The following DPY19L2 variants were observed in gnomAD, a reference collection of about 807,000 sequenced individuals.
DPY19L2 encodes probable C-mannosyltransferase DPY19L2.
A neutral mutation model predicts 97.9 loss-of-function variants in DPY19L2; 34 were observed. That is an observed-to-expected ratio of 0.35 (90% CI 0.26 to 0.46). The LOEUF is 0.46. Ranked by LOEUF, DPY19L2 falls within the 20% of genes least tolerant of loss-of-function variation. The pLI is 1.00. For missense variants in DPY19L2, 623 were observed against 911.4 expected, an observed-to-expected ratio of 0.68 and a Z score of 4.07; for synonymous variants, 230 against 307.9, an observed-to-expected ratio of 0.75 and a Z score of 2.65.
At chr12:63,637,675 G>C (rs150799419) in intron 6 of DPY19L2, among the ~76,000 whole-genome samples, 1 of 152,018 alleles carries the variant, frequency 6.6e-6, no homozygotes, top group Non-Finnish European at 1.5e-5. Context: ...TTGAATCCCT[G>C]AATAGACCAA....
chr12:63,572,632 G>A (rs1057115377), intron 19 of DPY19L2, among the ~76,000 whole-genome samples: 1 of 152,124 alleles, frequency 6.6e-6, no homozygotes, highest in Non-Finnish European at 1.5e-5. Context: ...ACCCAGTGCT[G>A]TGCTAGCTTC....
chr12:63,570,744 C>T lies in DPY19L2; in HGVS notation c.2000+14G>A, dbSNP rs752064002. 9 of 1,605,462 alleles carry T rather than the reference C, an allele frequency of 5.6e-6. No individual in the cohort carries two copies. In the African/African-American group the frequency reaches 9.4e-5, roughly 17 times the overall value. ...GCCAAGTGAGTCTTGAAGAAATACT[C>T]ATCAGCTGCCAACCTCAAGTCTGCA... On this transcript the variant is annotated intron_variant, in intron 20 of 21. Transcript: ENST00000324472.
intron 6 of DPY19L2, among the ~76,000 whole-genome samples, chr12:63,627,090 T>G (rs2137872999): frequency 6.6e-6 from 1 of 152,280 alleles, no homozygotes; most frequent in African/African-American, 2.4e-5. Flanking sequence ...TAAAATCATT[T>G]TTAAGAAACA....
At chr12:63,626,786 AT>A (rs898552245) in intron 6 of DPY19L2, among the ~76,000 whole-genome samples, 10 of 150,300 alleles carry the variant, frequency 6.7e-5, no homozygotes, top group Middle Eastern at 3.4e-3. Context: ...TGTGAACATA[AT>A]TTTTTTTTTG....
chr12:63,628,149 G>A (rs28369331), intron 6 of DPY19L2, among the ~76,000 whole-genome samples: 44,688 of 151,886 alleles, frequency 0.29, 7,662 homozygotes, highest in African/African-American at 0.47. Context: ...GCGACACAGA[G>A]GACGGGTGAT....
chr12:63,602,408 A>G (rs1041272479), intron 12 of DPY19L2, among the ~76,000 whole-genome samples: 5 of 152,180 alleles, frequency 3.3e-5, no homozygotes, highest in African/African-American at 1.2e-4. Flanking sequence ...AGAAAGTGGT[A>G]GAAATGGAAG....
intron 21 of DPY19L2, among the ~76,000 whole-genome samples, chr12:63,563,432 T>C (rs1394823095): frequency 2.6e-5 from 4 of 152,208 alleles, no homozygotes; most frequent in African/African-American, 9.6e-5. Context: ...CTTCTACTCC[T>C]AGTTTGCTGA....
At chr12:63,668,668 G>A (rs930174308), upstream of DPY19L2, 3 of 458,702 alleles carry the variant, frequency 6.5e-6, no homozygotes, top group African/African-American at 5.9e-5. Context: ...CTTCCGGTGA[G>A]GGCAGCCCCA....
intron 1 of DPY19L2, among the ~76,000 whole-genome samples, chr12:63,666,148 CCT>C (rs1565867583): frequency 1.3e-5 from 2 of 151,842 alleles, no homozygotes; most frequent in African/African-American, 4.8e-5. Context: ...ATGATTGTGA[CCT>C]TTTTTGATTT....
intron 16 of DPY19L2, among the ~76,000 whole-genome samples, chr12:63,588,439 C>T (rs2089974): frequency 1.3e-5 from 2 of 152,008 alleles, no homozygotes; most frequent in African/African-American, 2.4e-5. Flanking sequence ...TGAATAAGTT[C>T]GAGAGATCGA....
intron 19 of DPY19L2, among the ~76,000 whole-genome samples, chr12:63,573,622 A>C (rs1329637883): frequency 6.6e-6 from 1 of 152,084 alleles, no homozygotes; most frequent in East Asian, 1.9e-4. Flanking sequence ...CCCAAAGACT[A>C]ACTCAAGTCA....
chr12:63,657,231 A>T (rs527517534), intron 4 of DPY19L2, among the ~76,000 whole-genome samples: 88 of 152,234 alleles, frequency 5.8e-4, no homozygotes, highest in African/African-American at 2.1e-3. Context: ...TGAAGTTTGT[A>T]ATTGCTATAG....
chr12:63,668,528 A>G, upstream of DPY19L2: 4 of 928,160 alleles, frequency 4.3e-6, no homozygotes, highest in Non-Finnish European at 6.3e-6. Context: ...CCCGGTCGTC[A>G]TGGCGACTGT....
intron 16 of DPY19L2, among the ~76,000 whole-genome samples, chr12:63,587,458 A>T (rs1440527010): frequency 6.6e-6 from 1 of 151,638 alleles, no homozygotes; most frequent in Non-Finnish European, 1.5e-5. Flanking sequence ...AAAAATCCTC[A>T]CAGAGCATTT....
At chr12:63,583,758 C>T (rs2137384889) in intron 17 of DPY19L2, 54 bp downstream of exon 17, 1 of 1,586,142 alleles carries the variant, frequency 6.3e-7, no homozygotes, top group African/African-American at 1.3e-5. Context: ...GTCAATTATC[C>T]TCAAACTACA....
At chr12:63,574,273 ATAT>A (rs1013915491) in intron 19 of DPY19L2, among the ~76,000 whole-genome samples, 5 of 152,018 alleles carry the variant, frequency 3.3e-5, no homozygotes, top group Admixed American at 6.6e-5. Context: ...AAATAATAAG[ATAT>A]TATTTGCAAG....
intron 14 of DPY19L2, among the ~76,000 whole-genome samples, chr12:63,596,838 GT>G (rs1413090772): frequency 1.3e-5 from 2 of 152,082 alleles, no homozygotes; most frequent in African/African-American, 4.8e-5. Context: ...TAGAATCCAC[GT>G]CCTGATCTTG....
chr12:63,560,683 A>G (rs1876311403), intron 21 of DPY19L2, 21 bp from the exon 22 acceptor site: 1 of 1,612,774 alleles, frequency 6.2e-7, no homozygotes. Flanking sequence ...ACAGACATAT[A>G]TATCCATATT....
intron 17 of DPY19L2, among the ~76,000 whole-genome samples, chr12:63,582,814 T>G (rs1356556237): frequency 6.6e-6 from 1 of 152,044 alleles, no homozygotes; most frequent in Non-Finnish European, 1.5e-5. Context: ...ATCCATTACA[T>G]AGTCTACTGT....
Sources: gnomAD v4.1 joint callset for allele counts (sites outside exome capture counted in the v4.1 genomes callset) on GRCh38, gnomAD v4.1.1 for gene constraint, MANE v1.5 for transcripts, NCBI Gene and HGNC (gene_info 2026-07-23, HGNC 2026-07-21) for gene names.